The following NKAIN3 variants were observed in gnomAD, a reference collection of about 807,000 sequenced individuals.
The protein encoded by NKAIN3 is sodium/potassium-transporting ATPase subunit beta-1-interacting protein 3.
A neutral mutation model predicts 30.2 loss-of-function variants in NKAIN3; 25 were observed. The ratio of observed to expected loss-of-function variants is 0.83; its 90% CI spans 0.60 to 1.16. NKAIN3 has a LOEUF of 1.16. Ranked by LOEUF, NKAIN3 falls within the 50% of genes most tolerant of loss-of-function variation. NKAIN3 has a pLI of 0.00. For missense variants in NKAIN3, 225 were observed against 254.1 expected (o/e 0.89, Z 0.78); for synonymous variants, 91 against 89.6 (o/e 1.02, Z -0.09).
chr8:62,923,211 T>C (rs1236847482), intron 5 of NKAIN3, among the ~76,000 whole-genome samples: 1 of 152,078 alleles, frequency 6.6e-6, no homozygotes, highest in Admixed American at 6.5e-5. Context: ...GGTGGGAGTA[T>C]CACTTGAGCT....
intron 3 of NKAIN3, among the ~76,000 whole-genome samples, chr8:62,648,696 C>G (rs747277948): frequency 6.6e-6 from 1 of 152,178 alleles, no homozygotes; most frequent in Non-Finnish European, 1.5e-5. Context: ...AGCCTCTTCC[C>G]TTTTCTTGCC....
At chr8:62,782,129 T>G (rs1239911291) in intron 4 of NKAIN3, among the ~76,000 whole-genome samples, 3 of 151,960 alleles carry the variant, frequency 2.0e-5, no homozygotes, top group Non-Finnish European at 2.9e-5. Flanking sequence ...TAGACATTTC[T>G]TAAAAGAAGA....
chr8:62,316,229 G>A (rs1814621398), intron 1 of NKAIN3, among the ~76,000 whole-genome samples: 2 of 152,062 alleles, frequency 1.3e-5, no homozygotes, highest in South Asian at 4.2e-4. Flanking sequence ...TTTATTGGCA[G>A]CATGAAAACG....
intron 1 of NKAIN3, among the ~76,000 whole-genome samples, chr8:62,522,510 G>A (rs1414710254): frequency 6.6e-6 from 1 of 151,976 alleles, no homozygotes; most frequent in African/African-American, 2.4e-5. Flanking sequence ...AGGTCCTTCA[G>A]GAGGTACCCA....
chr8:62,497,416 T>C (rs970118036), intron 1 of NKAIN3, among the ~76,000 whole-genome samples: 1 of 134,998 alleles, frequency 7.4e-6, no homozygotes, highest in African/African-American at 2.9e-5. Context: ...TGGACGGTGA[T>C]TTCTAAGTAT....
chr8:62,387,924 T>C (rs1389217114), intron 1 of NKAIN3, among the ~76,000 whole-genome samples: 2 of 152,174 alleles, frequency 1.3e-5, no homozygotes, highest in Non-Finnish European at 2.9e-5. Flanking sequence ...GCAAATATCC[T>C]GCAACAAAAT....
intron 5 of NKAIN3, among the ~76,000 whole-genome samples, chr8:62,937,390 C>T (rs1822818814): frequency 6.6e-6 from 1 of 152,120 alleles, no homozygotes; most frequent in South Asian, 2.1e-4. Flanking sequence ...TGTTTCCAAC[C>T]ACACATCCTC....
chr8:62,813,939 C>A (rs562878496), intron 4 of NKAIN3, among the ~76,000 whole-genome samples: 2 of 152,090 alleles, frequency 1.3e-5, no homozygotes, highest in South Asian at 4.1e-4. Context: ...ACAGGTTTTT[C>A]TTTTAGTGCT....
chr8:62,938,093 C>T (rs986643397), intron 5 of NKAIN3, among the ~76,000 whole-genome samples: 2 of 152,098 alleles, frequency 1.3e-5, no homozygotes, highest in Non-Finnish European at 2.9e-5. Context: ...AACCCTGCCA[C>T]CACCTAATGG....
At chr8:62,697,853 G>T (rs138668751) in intron 3 of NKAIN3, among the ~76,000 whole-genome samples, 27 of 152,082 alleles carry the variant, frequency 1.8e-4, no homozygotes, top group Non-Finnish European at 3.5e-4. Flanking sequence ...GGAGTAAAAA[G>T]TTGCCATTCC....
At chr8:62,566,746 G>T (rs1809766823) in intron 1 of NKAIN3, among the ~76,000 whole-genome samples, 1 of 152,130 alleles carries the variant, frequency 6.6e-6, no homozygotes, top group East Asian at 1.9e-4. Flanking sequence ...TAAAGAGTCA[G>T]AGTATCTTGA....
rs55859915 is a variant in NKAIN3, at chr8:62,704,578, C to T, written c.274-42354C>T. On this transcript the variant is annotated intron_variant, in intron 3 of 6. Coordinates refer to ENST00000623646, the MANE Select transcript of NKAIN3 (RefSeq NM_001304533.3). ...AAGAATTGCTCAAAAGCTCTTAATA[C>T]GTGCTGTGAGTCTTATTGCCAGTCT... 9.9e-3 allele frequency among the ~76,000 whole-genome samples: 1,505 copies of T among 152,258 alleles called. 24 individuals are homozygous for T. The highest frequency in any genetic ancestry group is 0.034 in the African/African-American group (1,425 of 41,542).
intron 3 of NKAIN3, among the ~76,000 whole-genome samples, chr8:62,659,396 T>C (rs1812869337): frequency 6.6e-6 from 1 of 152,248 alleles, no homozygotes; most frequent in Admixed American, 6.5e-5. Flanking sequence ...TACCTCATAA[T>C]TTTTTGTAAG....
intron 4 of NKAIN3, among the ~76,000 whole-genome samples, chr8:62,806,394 T>C (rs897519763): frequency 1.3e-5 from 2 of 152,138 alleles, no homozygotes; most frequent in Non-Finnish European, 2.9e-5. Flanking sequence ...GCAAGGACTT[T>C]GAACCAACCC....
intron 4 of NKAIN3, among the ~76,000 whole-genome samples, chr8:62,765,884 C>T (rs1816821885): frequency 6.6e-6 from 1 of 151,876 alleles, no homozygotes; most frequent in Admixed American, 6.6e-5. Flanking sequence ...TATTCATATT[C>T]AATTAATATT....
intron 1 of NKAIN3, among the ~76,000 whole-genome samples, chr8:62,349,485 T>C (rs961033580): frequency 6.6e-6 from 1 of 152,182 alleles, no homozygotes; most frequent in African/African-American, 2.4e-5. Flanking sequence ...ATTTAGTGAA[T>C]AAAACTGGCT....
chr8:62,660,243 A>G (rs781262384), intron 3 of NKAIN3, among the ~76,000 whole-genome samples: 12 of 152,108 alleles, frequency 7.9e-5, no homozygotes, highest in Non-Finnish European at 1.3e-4. Context: ...ACTACTTTCC[A>G]TTTCTTCTTC....
intron 3 of NKAIN3, among the ~76,000 whole-genome samples, chr8:62,630,353 C>A (rs1811918162): frequency 6.6e-6 from 1 of 151,966 alleles, no homozygotes; most frequent in African/African-American, 2.4e-5. Context: ...AAATAATGCT[C>A]TGCAATAAAA....
chr8:62,402,964 G>A (rs1803935019), intron 1 of NKAIN3, among the ~76,000 whole-genome samples: 1 of 152,166 alleles, frequency 6.6e-6, no homozygotes, highest in Admixed American at 6.5e-5. Flanking sequence ...AAGACAGGAA[G>A]ATGTGGGAAA....
Sources: gnomAD v4.1 joint callset for allele counts (sites outside exome capture counted in the v4.1 genomes callset) on GRCh38, gnomAD v4.1.1 for gene constraint, MANE v1.5 for transcripts, NCBI Gene and HGNC (gene_info 2026-07-23, HGNC 2026-07-21) for gene names.